Variants in OBI1 observed in about 807,000 individuals in gnomAD.
The protein encoded by OBI1 is ring finger protein 219.
In OBI1, 59 loss-of-function variants were observed where a neutral mutation model predicts 62.4. The ratio of observed to expected loss-of-function variants is 0.95; its 90% CI spans 0.77 to 1.17. The LOEUF is 1.17. Among genes scored for constraint, OBI1 ranks in the 50% most tolerant of loss-of-function variants. The pLI is 0.00. For synonymous variants in OBI1, 302 were observed against 292.8 expected (o/e 1.03, Z -0.32); for missense variants, 875 against 830.9 (o/e 1.05, Z -0.65).
chr13:78,617,160 A>C, intron 5 of OBI1, 38 bp from the exon 6 acceptor site: 1 of 1,482,814 alleles, frequency 6.7e-7, no homozygotes, highest in Non-Finnish European at 9.0e-7. Flanking sequence ...TTATAACTCA[A>C]GCTTTTTTCT....
chr13:78,628,667 C>T (rs1318189690), intron 5 of OBI1, among the ~76,000 whole-genome samples: 1 of 152,200 alleles, frequency 6.6e-6, no homozygotes, highest in Admixed American at 6.5e-5. Flanking sequence ...TAGTTTTAAG[C>T]AGGAGATTTA....
In OBI1 at chr13:78,634,486, G is replaced by A. The variant is rs141373607; in HGVS notation, c.638+624C>T. ...ACTTTTTTGTATTTTTAGTAGAGAC[G>A]GGGTTCTGCCATGTTGCCCAGGCTG... On this transcript the variant is annotated intron_variant, in intron 5 of 5. Transcript: ENST00000282003. Among the ~76,000 whole-genome samples the A allele has an allele frequency of 7.9e-3, 1,208 of 152,034 alleles. 11 individuals carry two copies. The highest frequency in any genetic ancestry group is 0.034 in the South Asian group (161 of 4,800).
In OBI1 at chr13:78,659,078, G is replaced by C. The variant is rs1170615363; in HGVS notation, c.43C>G (p.Pro15Ala). 8 of 1,612,890 alleles carry C rather than the reference G, an allele frequency of 5.0e-6. No individual in the cohort carries two copies. The highest frequency in any genetic ancestry group is 1.1e-5 in the South Asian group (1 of 90,966). ...CCCAAGCAAATGTGGCACGTGATGG[G>C]CAGAGTGAGCGACAATGTAACATTC... is the stretch of plus-strand genomic sequence containing the variant. ...VQNVTLSLTL[P>A]ITCHICLGKV... The change falls in exon 1 of 6, where the codon CCC (proline) becomes GCC (alanine). Residue 15 changes from proline to alanine, a missense_variant. Coordinates refer to ENST00000282003, the MANE Select transcript of OBI1 (RefSeq NM_024546.4).
At chr13:78,625,298 T>TA (rs1875632626) in intron 5 of OBI1, among the ~76,000 whole-genome samples, 2 of 152,204 alleles carry the variant, frequency 1.3e-5, no homozygotes, top group Admixed American at 6.5e-5. Context: ...TGTTGAGTGA[T>TA]AAAAAATATA....
intron 1 of OBI1, among the ~76,000 whole-genome samples, chr13:78,658,416 G>T (rs1380686188): frequency 6.6e-6 from 1 of 152,146 alleles, no homozygotes; most frequent in East Asian, 1.9e-4. Flanking sequence ...ATCACAAAGA[G>T]AGAGTATTCT....
rs1459766192 is a variant in OBI1 at position 78,616,294 on chromosome 13, T to A, written c.1467A>T (p.Ala489=). The A allele has an allele frequency of 6.2e-7, 1 of 1,613,976 alleles. No homozygotes were observed. The highest frequency in any genetic ancestry group is 8.5e-7 in the Non-Finnish European group (1 of 1,179,936). ...TTGAAGATATTTCTCCAACAGAATT[T>A]GCTATCGTGTTCCCCTCTGAACTTT... ...DFESSEGNTI[A]NSVGEISSKL... The change falls in exon 6 of 6, where the codon GCA becomes GCT. Residue 489 remains alanine, a synonymous_variant. Transcript: ENST00000282003.
intron 5 of OBI1, among the ~76,000 whole-genome samples, chr13:78,627,630 C>G (rs985523678): frequency 6.6e-6 from 1 of 152,210 alleles, no homozygotes; most frequent in Non-Finnish European, 1.5e-5. Flanking sequence ...GGCTGCATAG[C>G]ATTCCATGCT....
intron 5 of OBI1, among the ~76,000 whole-genome samples, chr13:78,621,107 C>T (rs1035684788): frequency 2.6e-5 from 4 of 152,168 alleles, no homozygotes; most frequent in African/African-American, 9.7e-5. Flanking sequence ...GGTAATGAAA[C>T]AAAGCGAAAG....
chr13:78,623,471 A>G (rs966718870), intron 5 of OBI1, among the ~76,000 whole-genome samples: 53 of 152,260 alleles, frequency 3.5e-4, no homozygotes, highest in Non-Finnish European at 4.1e-4. Flanking sequence ...TTTAATCCTC[A>G]TATCAACTTT....
intron 1 of OBI1, among the ~76,000 whole-genome samples, chr13:78,645,204 T>C (rs977152562): frequency 6.6e-6 from 1 of 152,038 alleles, no homozygotes; most frequent in African/African-American, 2.4e-5. Context: ...TACTGGATCA[T>C]GGAGACTGAA....
intron 1 of OBI1, among the ~76,000 whole-genome samples, chr13:78,656,556 C>T (rs1011910888): frequency 2.0e-5 from 3 of 149,766 alleles, no homozygotes; most frequent in East Asian, 2.0e-4. Context: ...CTCTCCAGCC[C>T]GGGCAACAAG....
At chr13:78,625,366 G>C (rs1161353694) in intron 5 of OBI1, among the ~76,000 whole-genome samples, 1 of 152,112 alleles carries the variant, frequency 6.6e-6, no homozygotes, top group Admixed American at 6.5e-5. Context: ...TTAACTAAAT[G>C]ATCTCTTATT....
chr13:78,649,386 TAAGTAA>T (rs1388575698), intron 1 of OBI1, among the ~76,000 whole-genome samples: 1 of 152,186 alleles, frequency 6.6e-6, no homozygotes, highest in Non-Finnish European at 1.5e-5. Flanking sequence ...AGCGGCCAGA[TAAGTAA>T]AATATTGATG....
At chr13:78,627,309 TAAA>T (rs60775623) in intron 5 of OBI1, among the ~76,000 whole-genome samples, 5 of 117,880 alleles carry the variant, frequency 4.2e-5, no homozygotes, top group Admixed American at 8.8e-5. Flanking sequence ...TTATTTATTC[TAAA>T]AAAAAAAAAA....
chr13:78,652,083 T>C (rs1327818333), intron 1 of OBI1, among the ~76,000 whole-genome samples: 1 of 152,228 alleles, frequency 6.6e-6, no homozygotes, highest in Non-Finnish European at 1.5e-5. Context: ...GAAAGTTTTC[T>C]GCACCTTTGG....
intron 5 of OBI1, chr13:78,620,763 A>G (rs1489926189): frequency 7.3e-6 from 3 of 410,358 alleles, no homozygotes; most frequent in African/African-American, 2.1e-5. Flanking sequence ...CTAACAACAA[A>G]AAGTTCCTAA....
chr13:78,639,878 A>G (rs1343896962), intron 3 of OBI1, among the ~76,000 whole-genome samples: 1 of 145,428 alleles, frequency 6.9e-6, no homozygotes, highest in Non-Finnish European at 1.5e-5. Flanking sequence ...GCACTGGGAG[A>G]TATACCTAAT....
At chr13:78,654,541 T>C (rs1224703014) in intron 1 of OBI1, among the ~76,000 whole-genome samples, 1 of 152,232 alleles carries the variant, frequency 6.6e-6, no homozygotes, top group African/African-American at 2.4e-5. Context: ...ATGAATTTTG[T>C]CATCCTAGAG....
intron 3 of OBI1, among the ~76,000 whole-genome samples, chr13:78,640,386 A>T (rs947178509): frequency 1.3e-5 from 2 of 152,200 alleles, no homozygotes; most frequent in Admixed American, 1.3e-4. Context: ...ATAATAACCA[A>T]TACAAAGTAA....
Sources: gnomAD v4.1 joint callset for allele counts (sites outside exome capture counted in the v4.1 genomes callset) on GRCh38, gnomAD v4.1.1 for gene constraint, MANE v1.5 for transcripts, NCBI Gene and HGNC (gene_info 2026-07-23, HGNC 2026-07-21) for gene names.